The following TLR6 variants were observed in gnomAD, a reference collection of about 807,000 sequenced individuals.
The protein encoded by TLR6 is toll like receptor 6, also known as toll-like receptor 6.
Under a neutral mutation model 16.1 loss-of-function variants are expected in TLR6, and 9 were observed. The ratio of observed to expected loss-of-function variants is 0.56; its 90% CI spans 0.34 to 0.98. The LOEUF is 0.98. Ranked by LOEUF, TLR6 falls within the 50% of genes least tolerant of loss-of-function variation. The pLI is 0.02. For missense variants in TLR6, 786 were observed against 921.0 expected, an observed-to-expected ratio of 0.85 and a Z score of 1.90; for synonymous variants, 340 against 338.6, an observed-to-expected ratio of 1.00 and a Z score of -0.04.
chr4:38,827,341 C>T lies in TLR6; in HGVS notation c.2133G>A (p.Trp711Ter), dbSNP rs1560261259. 6.2e-7 allele frequency: 1 copy of T among 1,614,118 alleles called. No individual in the cohort carries two copies. Among genetic ancestry groups the T allele is most frequent in the East Asian group, 2.2e-5 (1 of 44,878 alleles). ...GGGCAAAATAGAGTTCGTAATGGCA[C>T]CACTCACTCTGGACAAAGTTGGGAG... is the stretch of plus-strand genomic sequence containing the variant. The change falls in exon 2 of 2, where the codon TGG (tryptophan) becomes TGA (stop). Residue 711 changes from tryptophan (W) to a stop codon, truncating the protein, a stop_gained. Transcript: ENST00000436693. LOFTEE classifies it high-confidence loss of function.
chr4:38,863,068 T>C, the TLR6 span, among the ~76,000 whole-genome samples: 1 of 152,046 alleles, frequency 6.6e-6, no homozygotes. Context: ...TAAATGTACT[T>C]CAGTCAGGTT....
chr4:38,833,918 T>A (rs1711760161), intron 1 of TLR6, among the ~76,000 whole-genome samples: 1 of 151,894 alleles, frequency 6.6e-6, no homozygotes, highest in South Asian at 2.1e-4. Context: ...AAAAATATAA[T>A]CAAGAGCTTG....
At chr4:38,844,387 A>G (rs1254173514) in intron 1 of TLR6, among the ~76,000 whole-genome samples, 1 of 152,248 alleles carries the variant, frequency 6.6e-6, no homozygotes, top group Non-Finnish European at 1.5e-5. Flanking sequence ...AAGATGTAAC[A>G]GATAAGAACA....
chr4:38,858,826 AGAG>A (rs1560274644), upstream of TLR6, among the ~76,000 whole-genome samples: 231 of 101,638 alleles, frequency 2.3e-3, 6 homozygotes, highest in East Asian at 0.025. Context: ...AGAGAGAGAG[AGAG>A]AGGAAGAAAG....
chr4:38,837,642 C>T (rs1053394009), intron 1 of TLR6, among the ~76,000 whole-genome samples: 5 of 152,084 alleles, frequency 3.3e-5, no homozygotes, highest in African/African-American at 1.2e-4. Flanking sequence ...AAGTATAAAA[C>T]TACTAAGAGA....
At chr4:38,860,166 G>A (rs144937405), upstream of TLR6, among the ~76,000 whole-genome samples, 673 of 152,120 alleles carry the variant, frequency 4.4e-3, 7 homozygotes, top group African/African-American at 0.015. Context: ...ATACACATAC[G>A]ACAGAGATAA....
intron 1 of TLR6, among the ~76,000 whole-genome samples, chr4:38,841,909 TA>T (rs1726569487): frequency 1.3e-5 from 2 of 152,268 alleles, no homozygotes; most frequent in Admixed American, 1.3e-4. Context: ...TAAAGTGATT[TA>T]TAAAATATTG....
intron 1 of TLR6, among the ~76,000 whole-genome samples, chr4:38,847,251 C>T (rs1389854804): frequency 1.3e-5 from 2 of 152,168 alleles, no homozygotes; most frequent in Non-Finnish European, 2.9e-5. Flanking sequence ...CAATATTCCA[C>T]CCCAAGGCAT....
intron 1 of TLR6, among the ~76,000 whole-genome samples, chr4:38,833,513 C>A (rs1348585895): frequency 6.6e-6 from 1 of 152,204 alleles, no homozygotes; most frequent in Non-Finnish European, 1.5e-5. Flanking sequence ...GCACCCTATA[C>A]TCAACTAACA....
chr4:38,858,832 G>T, upstream of TLR6, among the ~76,000 whole-genome samples: 1 of 50,892 alleles, frequency 2.0e-5, no homozygotes, highest in African/African-American at 1.3e-4. Context: ...AGAGAGAGAG[G>T]AAGAAAGAAA....
intron 1 of TLR6, among the ~76,000 whole-genome samples, chr4:38,841,536 T>A (rs1712262880): frequency 6.6e-6 from 1 of 151,936 alleles, no homozygotes. Context: ...GTAGTTGCAG[T>A]GAGCAGAGAT....
At position 38,839,396 on chromosome 4, in the gene TLR6, C is replaced by T. The variant is rs141916113; in HGVS notation, c.-64-9859G>A. ...AATCAACTGTATTGAAAGTTAACTA[C>T]GTGCTGTACTCAAAAAATAGTTATT... On this transcript the variant is annotated intron_variant, in intron 1 of 1. Transcript: ENST00000436693. 4.7e-3 allele frequency among the ~76,000 whole-genome samples: 717 copies of T among 152,152 alleles called. 7 individuals carry two copies. Among genetic ancestry groups the T allele is most frequent in the African/African-American group, 0.017 (688 of 41,500 alleles).
chr4:38,829,403 GT>G lies in TLR6; in HGVS notation c.70del (p.Thr24ProfsTer13). 6.2e-7 allele frequency: 1 copy of G among 1,614,042 alleles called. No homozygotes were observed. The highest frequency in any genetic ancestry group is 8.5e-7 in the Non-Finnish European group (1 of 1,179,988). On this transcript the variant is annotated frameshift_variant, in exon 2 of 2. Transcript: ENST00000436693. LOFTEE classifies it low-confidence loss of function (END_TRUNC). Reference sequence around the variant, plus strand: ...ATTTCCGTCGGAGAACTGGATTCTGGTTCCAACTATTATGATCATAAGGCAA... The same window carrying G: ...ATTTCCGTCGGAGAACTGGATTCTGGTCCAACTATTATGATCATAAGGCAA...
chr4:38,823,530 T>C (rs1579232263), downstream of TLR6, among the ~76,000 whole-genome samples: 1 of 152,212 alleles, frequency 6.6e-6, no homozygotes, highest in African/African-American at 2.4e-5. Flanking sequence ...CGGGATCTAT[T>C]GTTTATTCTT....
At chr4:38,847,423 G>A (rs769568101) in intron 1 of TLR6, among the ~76,000 whole-genome samples, 45 of 152,232 alleles carry the variant, frequency 3.0e-4, no homozygotes, top group Middle Eastern at 3.4e-3. Context: ...ACTGGGGCCC[G>A]TCGGACAGTG....
intron 1 of TLR6, among the ~76,000 whole-genome samples, chr4:38,836,822 C>T (rs1711948538): frequency 1.3e-5 from 2 of 151,886 alleles, no homozygotes; most frequent in African/African-American, 4.8e-5. Context: ...CACCTGGAAT[C>T]CCAGCTACTC....
chr4:38,865,364 T>A, the TLR6 span, among the ~76,000 whole-genome samples: 1 of 152,104 alleles, frequency 6.6e-6, no homozygotes, highest in African/African-American at 2.4e-5. Flanking sequence ...GCTACATGAG[T>A]AAAAGGGACA....
chr4:38,844,240 G>A (rs1187747871), intron 1 of TLR6, among the ~76,000 whole-genome samples: 1 of 152,172 alleles, frequency 6.6e-6, no homozygotes, highest in Non-Finnish European at 1.5e-5. Context: ...ACTGGTAGCG[G>A]TGTTCATCAG....
chr4:38,828,314 T>G, exon 2 of TLR6: 1 of 1,613,560 alleles, frequency 6.2e-7, no homozygotes, highest in Non-Finnish European at 8.5e-7. Context: ...TTTTAATCCA[T>G]TCTTTTGTAA....
Sources: gnomAD v4.1 joint callset for allele counts (sites outside exome capture counted in the v4.1 genomes callset) on GRCh38, gnomAD v4.1.1 for gene constraint, MANE v1.5 for transcripts, NCBI Gene and HGNC (gene_info 2026-07-23, HGNC 2026-07-21) for gene names.